SLFN12: variants seen among roughly 807,000 people sequenced by gnomAD.
The protein encoded by SLFN12 is ribonuclease SLFN12.
A neutral mutation model predicts 29.1 loss-of-function variants in SLFN12; 25 were observed. The observed-to-expected ratio is 0.86, with a 90% CI of 0.63 to 1.20. The LOEUF (loss-of-function observed/expected upper bound fraction) is 1.20, where lower values mean the gene tolerates loss of function less well. Ranked by LOEUF, SLFN12 falls within the 50% of genes most tolerant of loss-of-function variation. The pLI, the probability that SLFN12 is intolerant of heterozygous loss-of-function variation, is 0.00. For missense variants in SLFN12, 660 were observed against 666.2 expected (o/e 0.99, Z 0.10); for synonymous variants, 257 against 238.7 (o/e 1.08, Z -0.71).
intron 3 of SLFN12, among the ~76,000 whole-genome samples, chr17:35,419,244 G>A (rs955629341): frequency 7.9e-5 from 12 of 151,974 alleles, no homozygotes; most frequent in Admixed American, 2.6e-4. Flanking sequence ...GCACTAAACC[G>A]CAACATTTTA....
At position 35,423,053 on chromosome 17, in the gene SLFN12, A is replaced by C; in HGVS notation, c.-25T>G. The C allele has an allele frequency of 1.9e-6, 3 of 1,572,538 alleles. No individual in the cohort carries two copies. Among genetic ancestry groups the C allele is most frequent in the Non-Finnish European group, 2.6e-6 (3 of 1,161,800 alleles). On this transcript the variant is annotated 5_prime_UTR_variant, in exon 2 of 4. Transcript: ENST00000304905. Reference sequence around the variant, plus strand: ...TTTTCCCAGCAGCTATGCAGTGTCCAAGCAGAAATTCTTTTCTGTAAAATA... The same window carrying C: ...TTTTCCCAGCAGCTATGCAGTGTCCCAGCAGAAATTCTTTTCTGTAAAATA...
In SLFN12 at chr17:35,422,834, A is replaced by G; in HGVS notation, c.195T>C (p.Asn65=). The part of the protein sequence containing the change: ...GGGVIKAEIE[N]EDYSYTKDGI... ...CATCTTTTGTATAACTATAGTCTTC[A>G]TTCTCAATTTCAGCCTTGATCACTC... The change falls in exon 2 of 4, where the codon AAT becomes AAC. Residue 65 remains asparagine (N), a synonymous_variant. Coordinates refer to ENST00000304905, the MANE Select transcript of SLFN12 (RefSeq NM_018042.5). 1 of 1,613,904 alleles carries G rather than the reference A, an allele frequency of 6.2e-7. No individual in the cohort carries two copies. Among genetic ancestry groups the G allele is most frequent in the Non-Finnish European group, 8.5e-7 (1 of 1,179,938 alleles).
intron 1 of SLFN12, among the ~76,000 whole-genome samples, chr17:35,428,360 G>A (rs1392135211): frequency 6.6e-6 from 1 of 152,116 alleles, no homozygotes; most frequent in African/African-American, 2.4e-5. Context: ...AAGCATCTTA[G>A]TGGGGATTAC....
At position 35,424,019 on chromosome 17, in the gene SLFN12, G is replaced by T. The variant is rs76401283; in HGVS notation, c.-40-951C>A. Among the ~76,000 whole-genome samples the T allele has an allele frequency of 5.7e-3, 870 of 152,204 alleles. 5 individuals are homozygous for T. The highest frequency in any genetic ancestry group is 9.2e-3 in the Non-Finnish European group (628 of 68,002). ...TTATTTGTAAGCCACCCAGCTTGCG[G>T]TATTTTGTTATGGCGGCCTAAACAA... On this transcript the variant is annotated intron_variant, in intron 1 of 3. Transcript: ENST00000304905.
chr17:35,424,897 A>G (rs73293348), intron 1 of SLFN12, among the ~76,000 whole-genome samples: 1 of 152,106 alleles, frequency 6.6e-6, no homozygotes, highest in Non-Finnish European at 1.5e-5. Flanking sequence ...TGAAACTTGT[A>G]TATATTGTGG....
At chr17:35,412,695 A>C (rs1296561718) in intron 3 of SLFN12, among the ~76,000 whole-genome samples, 1 of 152,158 alleles carries the variant, frequency 6.6e-6, no homozygotes, top group African/African-American at 2.4e-5. Flanking sequence ...TCCATGATAC[A>C]ATAAAAAATT....
chr17:35,430,094 G>A (rs1912226712), intron 1 of SLFN12, among the ~76,000 whole-genome samples: 1 of 151,930 alleles, frequency 6.6e-6, no homozygotes, highest in Non-Finnish European at 1.5e-5. Context: ...CTGCTCCCCA[G>A]CCCATGCAGG....
chr17:35,425,838 CTTTTTTTTTT>C (rs58492425), intron 1 of SLFN12, among the ~76,000 whole-genome samples: 12 of 39,160 alleles, frequency 3.1e-4, no homozygotes, highest in African/African-American at 5.6e-4. Context: ...CTTTTCTTTT[CTTTTTTTTTT>C]TTTTTTTTTT....
At position 35,422,784 on chromosome 17, in the gene SLFN12, GA is replaced by G; in HGVS notation, c.244del (p.Ser82LeufsTer13). The G allele has an allele frequency of 6.2e-7, 1 of 1,613,730 alleles. No homozygotes were observed. Among genetic ancestry groups the G allele is most frequent in the Non-Finnish European group, 8.5e-7 (1 of 1,179,812 alleles). On this transcript the variant is annotated frameshift_variant, in exon 2 of 4. Transcript: ENST00000304905. LOFTEE classifies it high-confidence loss of function. The part of the protein sequence containing the change: ...KDGIGLDLEN[S>X]FSNILLFVPE... ...AACAAATAACAGAATGTTACTAAAAGAATTTTCCAAATCTAGTCCTATTCCA... is the reference window on the plus strand; with the variant it reads ...AACAAATAACAGAATGTTACTAAAAGATTTTCCAAATCTAGTCCTATTCCA...
chr17:35,431,641 T>C (rs1005567993), intron 1 of SLFN12, among the ~76,000 whole-genome samples: 3 of 152,120 alleles, frequency 2.0e-5, no homozygotes, highest in Non-Finnish European at 4.4e-5. Context: ...CCACTTTACA[T>C]GTTTTCCCTC....
chr17:35,428,034 G>C (rs1912107491), intron 1 of SLFN12, among the ~76,000 whole-genome samples: 1 of 152,068 alleles, frequency 6.6e-6, no homozygotes, highest in African/African-American at 2.4e-5. Context: ...AGAAGAAAGA[G>C]TCTGAATCTG....
chr17:35,429,558 A>G (rs1192953334), intron 1 of SLFN12, among the ~76,000 whole-genome samples: 1 of 152,078 alleles, frequency 6.6e-6, no homozygotes, highest in Non-Finnish European at 1.5e-5. Context: ...TCAGACCTGA[A>G]CTCACTATTT....
intron 1 of SLFN12, among the ~76,000 whole-genome samples, chr17:35,428,779 T>G (rs1209677977): frequency 6.6e-6 from 1 of 152,128 alleles, no homozygotes; most frequent in East Asian, 1.9e-4. Context: ...TGTGGCATAA[T>G]TATGCTAGAA....
rs1157573840 is a variant in SLFN12 at position 35,421,993 on chromosome 17, G to A, written c.1036C>T (p.Pro346Ser). 1 of 1,612,650 alleles carries A rather than the reference G, an allele frequency of 6.2e-7. No homozygotes were observed. The highest frequency in any genetic ancestry group is 1.1e-5 in the South Asian group (1 of 91,010). ...EWIQFMVEAEPKFSSSYEEVI... is the reference protein window; with the variant it reads ...EWIQFMVEAESKFSSSYEEVI... ...TTGCGAATCCCCCGCTCTCAACTTG[G>A]TTCAGCCTCCACCATGAACTGGATC... Residue 346 changes from proline (P) to serine (S), a missense_variant, in exon 2 of 4, where the codon CCA (proline) becomes TCA (serine). By Grantham distance (74) the Pro-to-Ser change is moderately conservative. Coordinates refer to ENST00000304905, the MANE Select transcript of SLFN12 (RefSeq NM_018042.5).
chr17:35,420,088 C>G (rs1911534732), intron 3 of SLFN12, among the ~76,000 whole-genome samples, 186 bp downstream of exon 3: 1 of 151,998 alleles, frequency 6.6e-6, no homozygotes, highest in South Asian at 2.1e-4. Context: ...TGTATTGCAC[C>G]AAGAAAATTC....
intron 2 of SLFN12, among the ~76,000 whole-genome samples, chr17:35,421,264 G>A (rs920569870): frequency 6.8e-6 from 1 of 147,686 alleles, no homozygotes; most frequent in Non-Finnish European, 1.5e-5. Flanking sequence ...AAATAGAAAG[G>A]GGACAAGAAG....
Position 35,411,321 on chromosome 17 carries a change from G to T in SLFN12, c.*17C>A. 7.0e-7 allele frequency: 1 copy of T among 1,429,382 alleles called. No individual in the cohort carries two copies. Among genetic ancestry groups the T allele is most frequent in the Non-Finnish European group, 9.5e-7 (1 of 1,058,122 alleles). The allele number at this position is 1,429,382 out of a possible 1,614,324, so 88.5% of individuals were successfully genotyped here. ...ATATATAATGAAAAATATCTCAGTA[G>T]CCCAGTCCATTTTCCATCAGGTGAG... On this transcript the variant is annotated 3_prime_UTR_variant, in exon 4 of 4. Coordinates refer to ENST00000304905, the MANE Select transcript of SLFN12 (RefSeq NM_018042.5).
At chr17:35,425,921 A>G (rs1911998500) in intron 1 of SLFN12, among the ~76,000 whole-genome samples, 1 of 136,498 alleles carries the variant, frequency 7.3e-6, no homozygotes, top group Non-Finnish European at 1.5e-5. Flanking sequence ...TCCTACCAAT[A>G]GTGTGCAATG....
At chr17:35,415,556 T>C (rs1911266232) in intron 3 of SLFN12, among the ~76,000 whole-genome samples, 1 of 151,762 alleles carries the variant, frequency 6.6e-6, no homozygotes, top group Non-Finnish European at 1.5e-5. Flanking sequence ...GCAAAAGAAA[T>C]AGCAGAGTAA....
Sources: gnomAD v4.1 joint callset for allele counts (sites outside exome capture counted in the v4.1 genomes callset) on GRCh38, gnomAD v4.1.1 for gene constraint, MANE v1.5 for transcripts, NCBI Gene and HGNC (gene_info 2026-07-23, HGNC 2026-07-21) for gene names.